ELP1: variants seen among roughly 807,000 people sequenced by gnomAD.
The protein encoded by ELP1 is elongator acetyltransferase complex subunit 1.
In ELP1, 131 loss-of-function variants were observed where a neutral mutation model predicts 183.2. That is an observed-to-expected ratio of 0.72 (90% confidence interval 0.62 to 0.83). ELP1 has a LOEUF of 0.83. ELP1 is among the 40% of genes least tolerant of loss of function. The pLI is 0.00. For missense variants in ELP1, 1,550 were observed against 1,594.9 expected, an observed-to-expected ratio of 0.97 and a Z score of 0.48; for synonymous variants, 555 against 569.0, an observed-to-expected ratio of 0.98 and a Z score of 0.35.
At chr9:108,919,212 A>G in intron 7 of ELP1, 41 bp downstream of exon 7, 9 of 1,434,408 alleles carry the variant, frequency 6.3e-6, no homozygotes, top group Non-Finnish European at 8.7e-6. Context: ...TAATAAGATA[A>G]AAATTTTTTA....
At chr9:108,896,667 A>G (rs971840114) in intron 24 of ELP1, 23 bp from the exon 25 acceptor site, 24 of 1,612,284 alleles carry the variant, frequency 1.5e-5, no homozygotes, top group Non-Finnish European at 1.9e-5. Flanking sequence ...AGAAAACAAA[A>G]CAGAACACAA....
intron 10 of ELP1, among the ~76,000 whole-genome samples, chr9:108,914,275 T>C (rs1829345692): frequency 6.6e-6 from 1 of 151,082 alleles, no homozygotes; most frequent in South Asian, 2.1e-4. Flanking sequence ...GGCGGGCGCC[T>C]GTAGACCCAG....
At chr9:108,894,628 G>A (rs1260857751) in intron 25 of ELP1, among the ~76,000 whole-genome samples, 2 of 152,168 alleles carry the variant, frequency 1.3e-5, no homozygotes, top group Admixed American at 6.5e-5. Context: ...TATTTCATAG[G>A]CTAATAAGGG....
At chr9:108,899,984 G>T in intron 19 of ELP1, 89 bp from the exon 20 acceptor site, 1 of 1,018,070 alleles carries the variant, frequency 9.8e-7, no homozygotes, top group Non-Finnish European at 1.5e-6. Context: ...TCTTCACAGA[G>T]AATTACCACA....
intron 5 of ELP1, among the ~76,000 whole-genome samples, chr9:108,924,058 C>A (rs902663650): frequency 6.6e-6 from 1 of 152,188 alleles, no homozygotes; most frequent in African/African-American, 2.4e-5. Flanking sequence ...CTGGTGCAAA[C>A]CCCCAGGCTT....
chr9:108,885,299 G>C (rs1828084431), intron 29 of ELP1, among the ~76,000 whole-genome samples: 1 of 151,838 alleles, frequency 6.6e-6, no homozygotes, highest in African/African-American at 2.4e-5. Context: ...TCAGAAAAAA[G>C]AAGACACATC....
At chr9:108,912,036 C>T (rs1324324206) in intron 11 of ELP1, among the ~76,000 whole-genome samples, 1 of 152,060 alleles carries the variant, frequency 6.6e-6, no homozygotes, top group Non-Finnish European at 1.5e-5. Context: ...GGCAAGTAAA[C>T]GTGTGAAGGC....
chr9:108,885,157 T>C (rs1212088845), intron 29 of ELP1, among the ~76,000 whole-genome samples: 1 of 147,792 alleles, frequency 6.8e-6, no homozygotes, highest in Non-Finnish European at 1.5e-5. Context: ...ACTAGAAAAA[T>C]AAAGAGCAAA....
chr9:108,875,896 G>A (rs1029347245), intron 35 of ELP1, among the ~76,000 whole-genome samples: 2 of 152,054 alleles, frequency 1.3e-5, no homozygotes, highest in Non-Finnish European at 2.9e-5. Context: ...GGGTGACAGA[G>A]CAAGAAAAAA....
intron 14 of ELP1, 86 bp downstream of exon 14, chr9:108,906,217 T>G: frequency 7.6e-7 from 1 of 1,310,668 alleles, no homozygotes; most frequent in Middle Eastern, 1.9e-4. Context: ...CCTTGATCAA[T>G]AGAAGTCAAA....
At chr9:108,893,231 T>C in intron 26 of ELP1, 148 bp from the exon 27 acceptor site, 2 of 685,532 alleles carry the variant, frequency 2.9e-6, no homozygotes, top group South Asian at 3.2e-5. Context: ...ATCCTGGAAT[T>C]TGAATTTTTA....
At chr9:108,884,227 T>C (rs1306617660) in intron 29 of ELP1, among the ~76,000 whole-genome samples, 1 of 152,144 alleles carries the variant, frequency 6.6e-6, no homozygotes, top group East Asian at 1.9e-4. Flanking sequence ...AACATACTCA[T>C]AAACATGTAT....
At position 108,889,399 on chromosome 9, in the gene ELP1, G is replaced by A; in HGVS notation, c.3161-6C>T. ...CCTCTGCTCAACCAGCTTTCCTGTA[G>A]AGACAATAAGCAGCAGTTGACTACA... is the stretch of plus-strand genomic sequence containing the variant. On this transcript the variant is annotated splice_polypyrimidine_tract_variant and splice_region_variant and intron_variant, in intron 28 of 36. Coordinates refer to ENST00000374647, the MANE Select transcript of ELP1 (RefSeq NM_003640.5). 1 of 1,613,906 alleles carries A rather than the reference G, an allele frequency of 6.2e-7. No individual in the cohort carries two copies. Among genetic ancestry groups the A allele is most frequent in the South Asian group, 1.1e-5 (1 of 91,070 alleles).
chr9:108,903,455 T>C (rs1325652734), intron 15 of ELP1, 108 bp downstream of exon 15: 1 of 824,800 alleles, frequency 1.2e-6, no homozygotes, highest in African/African-American at 1.7e-5. Flanking sequence ...CCAGGGTAGT[T>C]AAAAGACCTG....
chr9:108,880,455 A>C (rs537332455), intron 31 of ELP1, among the ~76,000 whole-genome samples: 1 of 152,110 alleles, frequency 6.6e-6, no homozygotes, highest in South Asian at 2.1e-4. Context: ...ACAAACAAAC[A>C]AACAAAACAA....
intron 1 of ELP1, among the ~76,000 whole-genome samples, chr9:108,932,865 T>G (rs906320244): frequency 1.3e-5 from 2 of 152,158 alleles, no homozygotes; most frequent in African/African-American, 4.8e-5. Context: ...TGATTCAAAC[T>G]CTTCGCAGTT....
intron 29 of ELP1, 95 bp downstream of exon 29, chr9:108,889,237 A>G (rs935608923): frequency 3.5e-6 from 4 of 1,153,218 alleles, no homozygotes; most frequent in African/African-American, 1.5e-5. Context: ...CTTAACAATT[A>G]TGCACAGTTC....
intron 36 of ELP1, among the ~76,000 whole-genome samples, chr9:108,872,803 T>TG (rs1179481769): frequency 1.7e-3 from 106 of 62,810 alleles, no homozygotes; most frequent in African/African-American, 7.5e-3. Flanking sequence ...AGACTCTGTC[T>TG]GAAAAAAAAA....
chr9:108,930,968 C>A, intron 2 of ELP1, 29 bp downstream of exon 2: 1 of 1,612,630 alleles, frequency 6.2e-7, no homozygotes, highest in Non-Finnish European at 8.5e-7. Flanking sequence ...GTCATACCCA[C>A]ATGCTGGCAT....
Sources: gnomAD v4.1 joint callset for allele counts (sites outside exome capture counted in the v4.1 genomes callset) on GRCh38, gnomAD v4.1.1 for gene constraint, MANE v1.5 for transcripts, NCBI Gene and HGNC (gene_info 2026-07-23, HGNC 2026-07-21) for gene names.